The following PTPRD variants were observed in gnomAD, a reference collection of about 807,000 sequenced individuals.
PTPRD encodes the protein receptor-type tyrosine-protein phosphatase delta.
In PTPRD, 34 loss-of-function variants were observed where a neutral mutation model predicts 214.5. The ratio of observed to expected loss-of-function variants is 0.16; its 90% CI spans 0.12 to 0.21. The LOEUF (loss-of-function observed/expected upper bound fraction) is 0.21, where lower values mean the gene tolerates loss of function less well. Among genes scored for constraint, PTPRD ranks in the 10% least tolerant of loss-of-function variants. The probability of loss-of-function intolerance (pLI) is 1.00; values close to 1 mark genes in which losing one functional copy is unlikely to be tolerated. For missense variants in PTPRD, 2,545 were observed against 2,398.7 expected (o/e 1.06, Z -1.27); for synonymous variants, 1,128 against 845.7 (o/e 1.33, Z -5.79).
At chr9:9,637,726 G>A (rs895537886) in intron 7 of PTPRD, among the ~76,000 whole-genome samples, 1 of 152,134 alleles carries the variant, frequency 6.6e-6, no homozygotes, top group African/African-American at 2.4e-5. Flanking sequence ...CTGCTCCCAT[G>A]GCTCCTTAGG....
chr9:9,653,284 G>A (rs1594310492), intron 7 of PTPRD, among the ~76,000 whole-genome samples: 1 of 137,996 alleles, frequency 7.2e-6, no homozygotes. Context: ...GGAGCTTGCA[G>A]TGAGCCGAGA....
chr9:8,832,959 C>G (rs927973129), intron 11 of PTPRD, among the ~76,000 whole-genome samples: 3 of 152,050 alleles, frequency 2.0e-5, no homozygotes, highest in African/African-American at 7.2e-5. Flanking sequence ...CTCTTCATTA[C>G]CTAGAAAGCT....
chr9:10,316,740 A>G lies in PTPRD; in HGVS notation c.-545+24223T>C, dbSNP rs181145855. Among the ~76,000 whole-genome samples, 10 of 152,084 alleles carry G rather than the reference A, an allele frequency of 6.6e-5. No homozygotes were observed. The East Asian group carries it at 1.6e-3, about 24-fold the overall frequency. ...ACAGCAACTGCTATCAGATATTAGT[A>G]AGAGATTATTCTAATCTAAAAAAGA... is the stretch of plus-strand genomic sequence containing the variant. On this transcript the variant is annotated intron_variant, in intron 3 of 45. Transcript: ENST00000381196.
chr9:9,213,312 T>C (rs977883388), intron 9 of PTPRD, among the ~76,000 whole-genome samples: 12 of 152,114 alleles, frequency 7.9e-5, no homozygotes, highest in African/African-American at 2.9e-4. Flanking sequence ...AGAAGACTTG[T>C]GGTTTGGGGA....
chr9:8,528,700 G>T lies in PTPRD; in HGVS notation c.432C>A (p.Thr144=), dbSNP rs746980552. Residue 144 remains threonine, a synonymous_variant, in exon 15 of 46, where the codon ACC becomes ACA. Coordinates refer to ENST00000381196, the MANE Select transcript of PTPRD (RefSeq NM_002839.4). ...LKVVERTRTA[T]MLCAASGNPD... ...GATTACCACTGGCTGCACAAAGCAT[G>T]GTGGCCGTGCGAGTACGCTCAACCA... is the stretch of plus-strand genomic sequence containing the variant. 3.9e-5 allele frequency: 63 copies of T among 1,613,568 alleles called. No individual in the cohort carries two copies. Among genetic ancestry groups the T allele is most frequent in the Non-Finnish European group, 5.3e-5 (62 of 1,179,744 alleles).
chr9:10,409,703 A>G (rs1395739578), intron 2 of PTPRD, among the ~76,000 whole-genome samples: 2 of 151,822 alleles, frequency 1.3e-5, no homozygotes, highest in African/African-American at 2.4e-5. Context: ...TATGTAGGCC[A>G]GGTGTGTAAA....
chr9:8,589,077 G>C (rs1257966103), intron 14 of PTPRD, among the ~76,000 whole-genome samples: 2 of 152,164 alleles, frequency 1.3e-5, no homozygotes, highest in African/African-American at 4.8e-5. Context: ...AAAATTTTGA[G>C]TGATATATAA....
At chr9:8,560,142 C>A (rs1198236207) in intron 14 of PTPRD, among the ~76,000 whole-genome samples, 1 of 152,078 alleles carries the variant, frequency 6.6e-6, no homozygotes, top group Non-Finnish European at 1.5e-5. Flanking sequence ...ATTCATATAA[C>A]CTTAAAAGTA....
At chr9:9,888,708 T>C (rs2071967616) in intron 5 of PTPRD, among the ~76,000 whole-genome samples, 1 of 152,156 alleles carries the variant, frequency 6.6e-6, no homozygotes, top group South Asian at 2.1e-4. Context: ...GTGCCATGCT[T>C]CTCATATGGC....
intron 11 of PTPRD, among the ~76,000 whole-genome samples, chr9:8,734,295 A>G (rs958936588): frequency 3.3e-5 from 5 of 152,234 alleles, no homozygotes; most frequent in Non-Finnish European, 7.3e-5. Flanking sequence ...TTACGTAAAT[A>G]CATCAGTGCA....
At chr9:10,035,756 C>A (rs2097169134) in intron 3 of PTPRD, among the ~76,000 whole-genome samples, 1 of 151,722 alleles carries the variant, frequency 6.6e-6, no homozygotes, top group Admixed American at 6.6e-5. Flanking sequence ...AATATGATAG[C>A]TTGAGTTCCT....
chr9:8,674,683 T>C (rs1219078503), intron 12 of PTPRD, among the ~76,000 whole-genome samples: 1 of 152,048 alleles, frequency 6.6e-6, no homozygotes, highest in Non-Finnish European at 1.5e-5. Context: ...ATAAAATCAC[T>C]TAGCTTGTTA....
Position 9,950,616 on chromosome 9 carries a change from T to C in PTPRD, c.-471-12006A>G, listed in dbSNP as rs866658538. On this transcript the variant is annotated intron_variant, in intron 4 of 45. Coordinates refer to ENST00000381196, the MANE Select transcript of PTPRD (RefSeq NM_002839.4). The stretch of plus-strand genomic sequence containing the variant: ...GTGGACGCCTGTAGTCCCAGCTACT[T>C]GGGAGGCTGAGGCAGGAGAATGGCG... Among the ~76,000 whole-genome samples, 29 of 75,854 alleles carry C rather than the reference T, an allele frequency of 3.8e-4. 4 individuals are homozygous for C. Among genetic ancestry groups the C allele is most frequent in the South Asian group, 2.4e-3 (5 of 2,124 alleles). The allele number at this position is 75,854 out of a possible 152,430, so 49.8% of individuals were successfully genotyped here. A position where few individuals can be genotyped will look rare whatever the true frequency, so the allele number is the denominator to read the frequency against.
chr9:8,630,350 A>G (rs1485881470), intron 14 of PTPRD, among the ~76,000 whole-genome samples: 1 of 151,850 alleles, frequency 6.6e-6, no homozygotes, highest in African/African-American at 2.4e-5. Context: ...TTATTTAGCT[A>G]TTCATGATGT....
chr9:10,022,708 G>C (rs989106038), intron 4 of PTPRD, among the ~76,000 whole-genome samples: 1 of 152,188 alleles, frequency 6.6e-6, no homozygotes, highest in Non-Finnish European at 1.5e-5. Flanking sequence ...TTGGGTAGCA[G>C]TTAAGATTTA....
intron 7 of PTPRD, among the ~76,000 whole-genome samples, chr9:9,601,319 A>G (rs890096113): frequency 5.3e-5 from 8 of 152,082 alleles, no homozygotes; most frequent in African/African-American, 1.9e-4. Context: ...CTGAAAATTG[A>G]CACTGATAGT....
chr9:8,821,380 G>A (rs993005754), intron 11 of PTPRD, among the ~76,000 whole-genome samples: 2 of 152,102 alleles, frequency 1.3e-5, no homozygotes, highest in Non-Finnish European at 2.9e-5. Context: ...GAATGTGGGT[G>A]CCATAGTCTA....
chr9:10,382,995 A>G (rs1160044919), intron 2 of PTPRD, among the ~76,000 whole-genome samples: 2 of 151,798 alleles, frequency 1.3e-5, no homozygotes, highest in Admixed American at 1.3e-4. Context: ...TGATATTTGG[A>G]TTACTACTGT....
intron 6 of PTPRD, among the ~76,000 whole-genome samples, chr9:9,742,398 A>C (rs2154455573): frequency 6.6e-6 from 1 of 152,324 alleles, no homozygotes; most frequent in South Asian, 2.1e-4. Context: ...AAATGTATGC[A>C]GAATACTCAA....
Sources: allele counts gnomAD v4.1 joint callset (sites outside exome capture counted in the v4.1 genomes callset), GRCh38; gene constraint gnomAD v4.1.1; transcripts MANE v1.5; gene names NCBI Gene and HGNC (gene_info 2026-07-23, HGNC 2026-07-21).